SEMA3A: variants seen among roughly 807,000 people sequenced by gnomAD.
The protein encoded by SEMA3A is semaphorin 3A.
In SEMA3A, 29 loss-of-function variants were observed where a neutral mutation model predicts 97.9. The observed-to-expected ratio is 0.30, with a 90% CI of 0.22 to 0.40. The LOEUF is 0.40. Among genes scored for constraint, SEMA3A ranks in the 10% least tolerant of loss-of-function variants. The probability of loss-of-function intolerance (pLI) is 1.00; values close to 1 mark genes in which losing one functional copy is unlikely to be tolerated. For synonymous variants in SEMA3A, 321 were observed against 323.7 expected (o/e 0.99, Z 0.09); for missense variants, 763 against 951.3 (o/e 0.80, Z 2.60).
At chr7:84,408,615 T>G (rs2116241479) in intron 1 of SEMA3A, among the ~76,000 whole-genome samples, 1 of 152,158 alleles carries the variant, frequency 6.6e-6, no homozygotes, top group East Asian at 1.9e-4. Context: ...GTGGCACTAT[T>G]CACAATAGCA....
rs138973528 is a variant in SEMA3A, at chr7:84,082,978, T to C, written c.454-22420A>G. Among the ~76,000 whole-genome samples the C allele has an allele frequency of 1.3e-3, 196 of 152,028 alleles. 1 individual carries two copies. The highest frequency in any genetic ancestry group is 2.6e-3 in the Non-Finnish European group (175 of 67,850). On this transcript the variant is annotated intron_variant, in intron 4 of 16. Transcript: ENST00000265362. The stretch of plus-strand genomic sequence containing the variant: ...TAATAAAAATAGAAGTTTCATTCTT[T>C]AAATTTTATGTCAGAATTTGAGTCA...
intron 4 of SEMA3A, among the ~76,000 whole-genome samples, chr7:84,075,616 C>T (rs950578981): frequency 4.0e-5 from 6 of 151,888 alleles, no homozygotes; most frequent in Non-Finnish European, 8.8e-5. Context: ...GTGCCACTGC[C>T]CCACTAATTT....
chr7:84,299,458 C>T (rs151137872), intron 3 of SEMA3A, among the ~76,000 whole-genome samples: 5 of 150,820 alleles, frequency 3.3e-5, no homozygotes, highest in East Asian at 2.0e-4. Context: ...AGTAAAAAGA[C>T]GGATGCACTT....
chr7:84,458,746 T>G (rs1805748975), intron 1 of SEMA3A, among the ~76,000 whole-genome samples: 2 of 152,120 alleles, frequency 1.3e-5, no homozygotes, highest in Admixed American at 6.5e-5. Flanking sequence ...ATATACAATG[T>G]TTAAGGATTA....
At chr7:84,238,447 A>C (rs1384101756) in intron 3 of SEMA3A, among the ~76,000 whole-genome samples, 1 of 152,182 alleles carries the variant, frequency 6.6e-6, no homozygotes, top group African/African-American at 2.4e-5. Context: ...ACACCACTTA[A>C]TTTTTATTCA....
rs141344375 is a variant in SEMA3A at position 84,411,550 on chromosome 7, T to C, written c.-245-39650A>G. Among the ~76,000 whole-genome samples, 110 of 142,862 alleles carry C rather than the reference T, an allele frequency of 7.7e-4. 2 individuals are homozygous for C. The highest frequency in any genetic ancestry group is 2.6e-3 in the South Asian group (12 of 4,574). 93.7% of individuals were successfully genotyped at this position (142,862 alleles called of 152,430 possible). The stretch of plus-strand genomic sequence containing the variant: ...ATAATTGCATCAGTTTCTTAAAATA[T>C]TGACATTTGGGTATAATTATATATA... On this transcript the variant is annotated intron_variant, in intron 1 of 3. Coordinates refer to the SEMA3A transcript ENST00000424555.
At chr7:84,189,169 C>G (rs1377780457) in intron 1 of SEMA3A, among the ~76,000 whole-genome samples, 1 of 151,822 alleles carries the variant, frequency 6.6e-6, no homozygotes, top group Non-Finnish European at 1.5e-5. Context: ...TTAAAATAAA[C>G]CTTCACTACA....
intron 3 of SEMA3A, among the ~76,000 whole-genome samples, chr7:84,113,142 A>C (rs1795323775): frequency 6.6e-6 from 1 of 152,236 alleles, no homozygotes; most frequent in African/African-American, 2.4e-5. Context: ...AAATGAAACA[A>C]AGGAATGGAA....
intron 3 of SEMA3A, among the ~76,000 whole-genome samples, chr7:84,272,505 T>C (rs1427700749): frequency 6.6e-6 from 1 of 152,042 alleles, no homozygotes; most frequent in Admixed American, 6.6e-5. Context: ...ATTAAATGAT[T>C]ATGGCCAAAG....
chr7:84,201,181 A>G (rs1195621285), intron 3 of SEMA3A, among the ~76,000 whole-genome samples: 1 of 152,096 alleles, frequency 6.6e-6, no homozygotes, highest in Non-Finnish European at 1.5e-5. Context: ...AGAATGTTGC[A>G]CCTCAGATGT....
intron 3 of SEMA3A, among the ~76,000 whole-genome samples, chr7:84,257,939 G>A (rs1049243407): frequency 6.6e-6 from 1 of 151,970 alleles, no homozygotes; most frequent in African/African-American, 2.4e-5. Flanking sequence ...AAACAGAATG[G>A]TATTTCATTT....
intron 6 of SEMA3A, among the ~76,000 whole-genome samples, chr7:84,021,661 T>G (rs1196703475): frequency 6.6e-6 from 1 of 152,240 alleles, no homozygotes; most frequent in Non-Finnish European, 1.5e-5. Flanking sequence ...TCTTGTAAAC[T>G]AATATCCCTA....
At chr7:84,097,723 T>A (rs1794820950) in intron 4 of SEMA3A, among the ~76,000 whole-genome samples, 1 of 152,184 alleles carries the variant, frequency 6.6e-6, no homozygotes, top group Non-Finnish European at 1.5e-5. Flanking sequence ...AAAGCTGTAT[T>A]TGGGTAGTAT....
At chr7:84,112,482 C>G (rs1340695363) in intron 3 of SEMA3A, among the ~76,000 whole-genome samples, 1 of 152,120 alleles carries the variant, frequency 6.6e-6, no homozygotes, top group African/African-American at 2.4e-5. Flanking sequence ...CACCTAAGTG[C>G]CTCCTTAGAA....
intron 1 of SEMA3A, among the ~76,000 whole-genome samples, chr7:84,158,401 C>T (rs1796920944): frequency 6.6e-6 from 1 of 152,046 alleles, no homozygotes; most frequent in Admixed American, 6.6e-5. Context: ...ATCCACCTGC[C>T]TCGGCCTCCC....
chr7:84,441,105 C>A (rs1805261930), intron 1 of SEMA3A, among the ~76,000 whole-genome samples: 1 of 151,820 alleles, frequency 6.6e-6, no homozygotes, highest in African/African-American at 2.4e-5. Context: ...TTGTGGTGAG[C>A]CGAGATTGCA....
chr7:84,283,101 T>C (rs1374946876), intron 3 of SEMA3A, among the ~76,000 whole-genome samples: 4 of 152,108 alleles, frequency 2.6e-5, no homozygotes, highest in Non-Finnish European at 5.9e-5. Context: ...TTAATATAAG[T>C]TGTTAATCTT....
At chr7:84,429,258 T>C (rs975095714) in intron 1 of SEMA3A, among the ~76,000 whole-genome samples, 1 of 151,720 alleles carries the variant, frequency 6.6e-6, no homozygotes. Context: ...AAAACATTTC[T>C]GTGCTTTTCC....
chr7:84,069,079 T>C (rs1357512753), intron 4 of SEMA3A, among the ~76,000 whole-genome samples: 1 of 152,246 alleles, frequency 6.6e-6, no homozygotes, highest in East Asian at 1.9e-4. Flanking sequence ...CTTTCCAGTC[T>C]AGTGAGATGA....
Sources: gnomAD v4.1 joint callset for allele counts (sites outside exome capture counted in the v4.1 genomes callset) on GRCh38, gnomAD v4.1.1 for gene constraint, MANE v1.5 for transcripts, NCBI Gene and HGNC (gene_info 2026-07-23, HGNC 2026-07-21) for gene names.